CACNA1E: variants seen among roughly 807,000 people sequenced by gnomAD.
The protein encoded by CACNA1E is calcium voltage-gated channel subunit alpha1 E.
Under a neutral mutation model 259.2 loss-of-function variants are expected in CACNA1E, and 40 were observed. The ratio of observed to expected loss-of-function variants is 0.15; its 90% confidence interval spans 0.12 to 0.20. The LOEUF is 0.20. Among genes scored for constraint, CACNA1E ranks in the 10% least tolerant of loss-of-function variants. The pLI is 1.00. For missense variants in CACNA1E, 1,874 were observed against 3,040.1 expected (o/e 0.62, Z 9.02); for synonymous variants, 1,104 against 1,138.5 (o/e 0.97, Z 0.61).
In CACNA1E at chr1:181,804,418, A is replaced by G. The variant is rs1472865524; in HGVS notation, c.*5584A>G. ...CTGTCTTTTCCTAAGGACTTAAAAT[A>G]TAACCCAAATTAATGAAGAACTGCC... On this transcript the variant is annotated 3_prime_UTR_variant, in exon 48 of 48. Coordinates refer to ENST00000367573, the MANE Select transcript of CACNA1E (RefSeq NM_001205293.3). The G allele has an allele frequency of 1.3e-5, 2 of 152,224 alleles. No individual in the cohort carries two copies. Among genetic ancestry groups the G allele is most frequent in the Non-Finnish European group, 2.9e-5 (2 of 68,052 alleles). 9.4% of individuals were successfully genotyped at this position (152,224 alleles called of 1,614,324 possible). A position where few individuals can be genotyped will look rare whatever the true frequency, so the allele number is the denominator to read the frequency against.
At chr1:181,530,450 TTGAC>T (rs1312943648) in intron 3 of CACNA1E, among the ~76,000 whole-genome samples, 3 of 152,234 alleles carry the variant, frequency 2.0e-5, no homozygotes, top group Admixed American at 6.5e-5. Context: ...AGCTGACAGT[TTGAC>T]TGTGAAACTC....
At chr1:181,600,877 C>T (rs1289043622) in intron 6 of CACNA1E, among the ~76,000 whole-genome samples, 1 of 152,056 alleles carries the variant, frequency 6.6e-6, no homozygotes, top group Non-Finnish European at 1.5e-5. Context: ...GGACTGATGT[C>T]CCTTAGTCTT....
intron 19 of CACNA1E, among the ~76,000 whole-genome samples, chr1:181,731,935 C>A (rs765831912): frequency 6.6e-6 from 1 of 151,912 alleles, no homozygotes. Context: ...CTCATTATCC[C>A]GGGCTGTAAC....
chr1:181,625,608 G>A (rs969559003), intron 6 of CACNA1E, among the ~76,000 whole-genome samples: 1 of 152,162 alleles, frequency 6.6e-6, no homozygotes. Flanking sequence ...GAATTGAGGA[G>A]ACTTAGGTTC....
intron 7 of CACNA1E, among the ~76,000 whole-genome samples, chr1:181,690,568 G>A (rs188140978): frequency 1.3e-5 from 2 of 152,278 alleles, no homozygotes; most frequent in African/African-American, 2.4e-5. Context: ...ATTTTGGGCA[G>A]TATGGCCATT....
At chr1:181,528,390 T>C (rs1457185185) in intron 3 of CACNA1E, among the ~76,000 whole-genome samples, 3 of 152,180 alleles carry the variant, frequency 2.0e-5, no homozygotes, top group Non-Finnish European at 4.4e-5. Context: ...TTCAGGTATG[T>C]TTTTATCAGC....
chr1:181,686,275 GTTTTT>G (rs66526388), intron 7 of CACNA1E, among the ~76,000 whole-genome samples: 12 of 58,666 alleles, frequency 2.0e-4, no homozygotes, highest in African/African-American at 7.4e-4. Context: ...TAAGAACCAA[GTTTTT>G]TTTTTTTTTT....
chr1:181,497,825 A>G (rs1664894975), intron 1 of CACNA1E, among the ~76,000 whole-genome samples: 1 of 152,186 alleles, frequency 6.6e-6, no homozygotes, highest in Non-Finnish European at 1.5e-5. Context: ...TAACTCATGA[A>G]GGAGTGAAGG....
chr1:181,446,129 C>A (rs1312712436), intron 2 of CACNA1E, among the ~76,000 whole-genome samples: 17 of 152,324 alleles, frequency 1.1e-4, no homozygotes, highest in Non-Finnish European at 2.5e-4. Context: ...ATGTCTGGGG[C>A]AGTCTTAGGT....
chr1:181,717,737 G>T (rs1654037559), intron 11 of CACNA1E, among the ~76,000 whole-genome samples: 1 of 152,126 alleles, frequency 6.6e-6, no homozygotes, highest in Admixed American at 6.5e-5. Flanking sequence ...TGCCAGGCAT[G>T]TAGGGAGGAA....
chr1:181,427,996 C>T (rs971269827), intron 2 of CACNA1E, among the ~76,000 whole-genome samples: 1 of 152,264 alleles, frequency 6.6e-6, no homozygotes, highest in African/African-American at 2.4e-5. Flanking sequence ...TTTATTCCAG[C>T]AACCCTATCA....
chr1:181,448,485 A>G (rs1660940145), intron 2 of CACNA1E, among the ~76,000 whole-genome samples: 2 of 152,102 alleles, frequency 1.3e-5, no homozygotes, highest in African/African-American at 2.4e-5. Context: ...ACCACATCAT[A>G]TTTTTTCTCC....
chr1:181,738,696 A>T (rs190763233), intron 24 of CACNA1E, among the ~76,000 whole-genome samples: 3 of 151,940 alleles, frequency 2.0e-5, no homozygotes, highest in Admixed American at 2.0e-4. Flanking sequence ...TGGGGCCTGC[A>T]CTCCCCTCCC....
intron 3 of CACNA1E, among the ~76,000 whole-genome samples, chr1:181,546,483 G>A (rs1647486823): frequency 6.6e-6 from 1 of 152,120 alleles, no homozygotes; most frequent in South Asian, 2.1e-4. Flanking sequence ...AAAAGTCCCT[G>A]CTGGGGCCCT....
chr1:181,468,731 A>G (rs1662307786), intron 2 of CACNA1E, among the ~76,000 whole-genome samples: 1 of 152,140 alleles, frequency 6.6e-6, no homozygotes, highest in Admixed American at 6.6e-5. Context: ...GGGAGGTAGC[A>G]TATGGGCTGG....
At chr1:181,491,572 C>G (rs207460729) in intron 1 of CACNA1E, among the ~76,000 whole-genome samples, 2 of 152,250 alleles carry the variant, frequency 1.3e-5, no homozygotes, top group Non-Finnish European at 2.9e-5. Context: ...TCCCAAATCT[C>G]TCTCATTTAC....
chr1:181,733,765 C>T lies in CACNA1E; in HGVS notation c.3262+15C>T, dbSNP rs754266796. ...CGTGGTGCACAGTGAGAGCACAGTC[C>T]CTGTTCCCCTCCACCCCCAACTCCT... On this transcript the variant is annotated intron_variant, in intron 21 of 47. Transcript: ENST00000367573. 4.0e-6 allele frequency: 6 copies of T among 1,488,490 alleles called. No homozygotes were observed. In the Admixed American group the frequency reaches 9.1e-5, roughly 23 times the overall value. The allele number at this position is 1,488,490 out of a possible 1,614,324, so 92.2% of individuals were successfully genotyped here.
chr1:181,570,093 G>T (rs768750315), intron 3 of CACNA1E, among the ~76,000 whole-genome samples: 1 of 152,108 alleles, frequency 6.6e-6, no homozygotes, highest in Non-Finnish European at 1.5e-5. Context: ...TATAGATAAG[G>T]AAACTGATAT....
chr1:181,407,297 GT>G (rs1386754740), intron 1 of CACNA1E, among the ~76,000 whole-genome samples: 1 of 152,120 alleles, frequency 6.6e-6, no homozygotes, highest in Non-Finnish European at 1.5e-5. Context: ...TCCTGGGTGT[GT>G]TTTGCTATGT....
Sources: allele counts gnomAD v4.1 joint callset (sites outside exome capture counted in the v4.1 genomes callset), GRCh38; gene constraint gnomAD v4.1.1; transcripts MANE v1.5; gene names NCBI Gene and HGNC (gene_info 2026-07-23, HGNC 2026-07-21).